The following ADD3 variants were observed in gnomAD, a reference collection of about 807,000 sequenced individuals.
ADD3 encodes adducin 3.
Under a neutral mutation model 80.2 loss-of-function variants are expected in ADD3, and 25 were observed. The ratio of observed to expected loss-of-function variants is 0.31; its 90% CI spans 0.23 to 0.44. The LOEUF is 0.44. Ranked by LOEUF, ADD3 falls within the 20% of genes least tolerant of loss-of-function variation. ADD3 has a pLI of 1.00. For missense variants in ADD3, 829 were observed against 847.5 expected (o/e 0.98, Z 0.27); for synonymous variants, 284 against 289.6 (o/e 0.98, Z 0.20).
At chr10:110,072,830 G>A (rs1355287843) in intron 1 of ADD3, among the ~76,000 whole-genome samples, 3 of 152,176 alleles carry the variant, frequency 2.0e-5, no homozygotes, top group Non-Finnish European at 4.4e-5. Flanking sequence ...TACAGTTCAA[G>A]GGACATCTCT....
chr10:110,126,950 AT>A, intron 12 of ADD3, among the ~76,000 whole-genome samples: 1 of 152,328 alleles, frequency 6.6e-6, no homozygotes. Flanking sequence ...AAGAAGTACC[AT>A]TGTTTTATAT....
At chr10:110,131,148 G>C (rs1274920451) in intron 13 of ADD3, among the ~76,000 whole-genome samples, 1 of 152,150 alleles carries the variant, frequency 6.6e-6, no homozygotes, top group Non-Finnish European at 1.5e-5. Context: ...CTAAAATTTT[G>C]ATGTGACTTT....
upstream of ADD3, among the ~76,000 whole-genome samples, chr10:110,001,676 AT>A (rs201746821): frequency 2.0e-4 from 31 of 151,708 alleles, 1 homozygote; most frequent in Admixed American, 1.4e-3. Context: ...TTATTCAGAG[AT>A]TTTTTTTTAA....
chr10:110,046,567 T>C (rs1856935665), intron 1 of ADD3, among the ~76,000 whole-genome samples: 1 of 152,142 alleles, frequency 6.6e-6, no homozygotes, highest in South Asian at 2.1e-4. Context: ...TTTTATAGAA[T>C]GTACATAAAT....
chr10:110,092,357 G>T (rs549685740), intron 1 of ADD3, among the ~76,000 whole-genome samples: 1 of 152,222 alleles, frequency 6.6e-6, no homozygotes, highest in East Asian at 1.9e-4. Context: ...AGAAAATTTG[G>T]TACATATATA....
chr10:110,026,929 A>C lies in ADD3; in HGVS notation c.-30+18630A>C, dbSNP rs143299577. On this transcript the variant is annotated intron_variant, in intron 1 of 14. Transcript: ENST00000356080. The stretch of plus-strand genomic sequence containing the variant: ...TTAAGAATACCATTGGATTTCAGTA[A>C]TGTATTCGAAGTAGTATCTTCTGGC... Among the ~76,000 whole-genome samples, 149 of 152,296 alleles carry C rather than the reference A, an allele frequency of 9.8e-4. 1 individual carries two copies. Among genetic ancestry groups the C allele is most frequent in the African/African-American group, 3.4e-3 (142 of 41,558 alleles).
chr10:110,049,059 C>T (rs1300136143), intron 1 of ADD3, among the ~76,000 whole-genome samples: 1 of 152,212 alleles, frequency 6.6e-6, no homozygotes, highest in Admixed American at 6.5e-5. Context: ...GTCCCAATCA[C>T]TCTAGCCATG....
At chr10:110,085,165 A>G (rs769314614) in intron 1 of ADD3, among the ~76,000 whole-genome samples, 3 of 152,186 alleles carry the variant, frequency 2.0e-5, no homozygotes, top group Non-Finnish European at 4.4e-5. Context: ...AACTAGGCCT[A>G]CTTTTCAAAG....
chr10:110,072,084 C>T (rs757453694), intron 1 of ADD3, among the ~76,000 whole-genome samples: 16 of 152,288 alleles, frequency 1.1e-4, no homozygotes, highest in South Asian at 4.1e-4. Flanking sequence ...TATTTTTAGA[C>T]GGAGTCTCTC....
intron 1 of ADD3, among the ~76,000 whole-genome samples, chr10:110,056,440 C>G (rs1301578007): frequency 6.6e-6 from 1 of 152,100 alleles, no homozygotes; most frequent in African/African-American, 2.4e-5. Flanking sequence ...AGTATCAACC[C>G]CATTTTATAT....
upstream of ADD3, among the ~76,000 whole-genome samples, chr10:110,007,250 C>G (rs907416445): frequency 6.6e-6 from 1 of 152,108 alleles, no homozygotes; most frequent in African/African-American, 2.4e-5. Context: ...TGAAGACTCT[C>G]GAGGGGTCCA....
At chr10:110,010,482 T>C (rs894971294) in intron 1 of ADD3, among the ~76,000 whole-genome samples, 2 of 152,198 alleles carry the variant, frequency 1.3e-5, no homozygotes, top group East Asian at 1.9e-4. Context: ...CGAGTTGTTA[T>C]ATGTAAAGTG....
At chr10:110,073,596 C>T (rs1845039179) in intron 1 of ADD3, among the ~76,000 whole-genome samples, 1 of 152,204 alleles carries the variant, frequency 6.6e-6, no homozygotes, top group Admixed American at 6.5e-5. Flanking sequence ...TCTCTGAGGA[C>T]ACACAAGTTT....
chr10:110,117,387 G>A lies in ADD3; in HGVS notation c.532G>A (p.Gly178Ser), dbSNP rs745518216. Residue 178 changes from glycine (G) to serine (S), a missense_variant, in exon 5 of 15, where the codon GGC (glycine) becomes AGC (serine). Physicochemically the swap from Gly to Ser is moderately conservative, Grantham distance 56. Coordinates refer to ENST00000356080, the MANE Select transcript of ADD3 (RefSeq NM_016824.5). ...EQDHIIIIPR[G>S]LSFSEATASN... ...AGACCACATTATAATAATTCCCAGA[G>A]GCCTATCTTTTTCTGAAGCTACAGC... 7 of 1,607,914 alleles carry A rather than the reference G, an allele frequency of 4.4e-6. No homozygotes were observed. The South Asian group carries it at 7.7e-5, about 18-fold the overall frequency.
chr10:110,112,992 T>A, intron 3 of ADD3, 77 bp downstream of exon 3: 1 of 1,486,160 alleles, frequency 6.7e-7, no homozygotes. Flanking sequence ...TAGCAGCATA[T>A]TCTGCTCGGG....
chr10:110,104,724 T>C (rs1849224419), intron 2 of ADD3, among the ~76,000 whole-genome samples: 1 of 152,210 alleles, frequency 6.6e-6, no homozygotes, highest in Non-Finnish European at 1.5e-5. Flanking sequence ...ATTAAGCACT[T>C]ACTATATGCC....
At chr10:110,003,785 C>G (rs1051406548), upstream of ADD3, among the ~76,000 whole-genome samples, 6 of 152,094 alleles carry the variant, frequency 3.9e-5, no homozygotes, top group Non-Finnish European at 8.8e-5. Flanking sequence ...TTGGAGAATA[C>G]AAATCAGGCA....
chr10:110,019,357 C>CTTT (rs11392689), intron 1 of ADD3, among the ~76,000 whole-genome samples: 263 of 138,264 alleles, frequency 1.9e-3, no homozygotes, highest in African/African-American at 6.4e-3. Context: ...TTTCTGTTTG[C>CTTT]TTTTTTTTTT....
At chr10:110,107,001 C>T (rs1290187213) in intron 2 of ADD3, among the ~76,000 whole-genome samples, 1 of 152,036 alleles carries the variant, frequency 6.6e-6, no homozygotes, top group Admixed American at 6.6e-5. Context: ...ATATTTGCTA[C>T]GTTAACTGGG....
Sources: allele counts gnomAD v4.1 joint callset (sites outside exome capture counted in the v4.1 genomes callset), GRCh38; gene constraint gnomAD v4.1.1; transcripts MANE v1.5; gene names NCBI Gene and HGNC (gene_info 2026-07-23, HGNC 2026-07-21).